The following NOVA2 variants were observed in gnomAD, a reference collection of about 807,000 sequenced individuals.
The protein encoded by NOVA2 is NOVA alternative splicing regulator 2.
In NOVA2, 9 loss-of-function variants were observed where a neutral mutation model predicts 22.5. That is an observed-to-expected ratio of 0.40 (90% CI 0.24 to 0.70). The LOEUF is 0.70. Among genes scored for constraint, NOVA2 ranks in the 30% least tolerant of loss-of-function variants. The pLI, the probability that NOVA2 is intolerant of heterozygous loss-of-function variation, is 0.38. For synonymous variants in NOVA2, 318 were observed against 335.2 expected, an observed-to-expected ratio of 0.95 and a Z score of 0.56; for missense variants, 383 against 682.8, an observed-to-expected ratio of 0.56 and a Z score of 4.89.
intron 3 of NOVA2, among the ~76,000 whole-genome samples, chr19:45,952,858 A>G (rs1287629967): frequency 9.2e-5 from 14 of 152,184 alleles, no homozygotes; most frequent in African/African-American, 3.4e-4. Flanking sequence ...AGGGGAACTC[A>G]GGCCTGTGCT....
chr19:45,972,674 C>A (rs1234771252), intron 1 of NOVA2, among the ~76,000 whole-genome samples: 2 of 152,088 alleles, frequency 1.3e-5, no homozygotes, highest in Non-Finnish European at 2.9e-5. Context: ...CACACATACA[C>A]ACACACGCAC....
intron 1 of NOVA2, among the ~76,000 whole-genome samples, chr19:45,969,509 GAAAAAAAA>G (rs397946088): frequency 6.4e-4 from 26 of 40,554 alleles, no homozygotes; most frequent in African/African-American, 9.8e-4. Flanking sequence ...CCCTGTCTCA[GAAAAAAAA>G]AAAAAAAAAA....
At chr19:45,958,573 G>T (rs1170465053) in intron 2 of NOVA2, among the ~76,000 whole-genome samples, 4 of 151,536 alleles carry the variant, frequency 2.6e-5, no homozygotes, top group Non-Finnish European at 5.9e-5. Context: ...GTGTGAGGGT[G>T]TGAGTGTGAA....
intron 3 of NOVA2, among the ~76,000 whole-genome samples, chr19:45,950,497 A>G (rs537398980): frequency 6.6e-6 from 1 of 152,312 alleles, no homozygotes; most frequent in East Asian, 1.9e-4. Flanking sequence ...AGTGATGCCC[A>G]GTGCCTGGCA....
intron 1 of NOVA2, among the ~76,000 whole-genome samples, chr19:45,961,850 T>C (rs1007141002): frequency 6.6e-6 from 1 of 152,120 alleles, no homozygotes; most frequent in Non-Finnish European, 1.5e-5. Context: ...CACATGGCTA[T>C]GTGAAGGACG....
intron 3 of NOVA2, among the ~76,000 whole-genome samples, chr19:45,952,841 T>C (rs960003043): frequency 1.3e-5 from 2 of 152,272 alleles, no homozygotes; most frequent in African/African-American, 4.8e-5. Flanking sequence ...CATTTCCCCA[T>C]GAGCTTAGGG....
rs542426533 is a variant in NOVA2, at chr19:45,935,980, G to A, written c.*3883C>T. 6.6e-6 allele frequency: 1 copy of A among 152,308 alleles called. No individual in the cohort carries two copies. Among genetic ancestry groups the A allele is most frequent in the Admixed American group, 6.5e-5 (1 of 15,286 alleles). The allele number at this position is 152,308 out of a possible 1,614,324, so 9.4% of individuals were successfully genotyped here. A position where few individuals can be genotyped will look rare whatever the true frequency, so the allele number is the denominator to read the frequency against. ...ACTACAAGTCCAGGGTAGGCGTTAG[G>A]GCAGATAGAAACGGCAAAATCATTG... On this transcript the variant is annotated 3_prime_UTR_variant, in exon 4 of 4. Coordinates refer to ENST00000263257, the MANE Select transcript of NOVA2 (RefSeq NM_002516.4).
chr19:45,942,261 G>A (rs1967771764), intron 3 of NOVA2, among the ~76,000 whole-genome samples: 2 of 152,134 alleles, frequency 1.3e-5, no homozygotes, highest in South Asian at 4.1e-4. Flanking sequence ...AGATAATTAA[G>A]GTAAAATGGG....
intron 3 of NOVA2, among the ~76,000 whole-genome samples, chr19:45,947,850 C>T (rs1034138180): frequency 8.5e-5 from 13 of 152,088 alleles, no homozygotes; most frequent in Non-Finnish European, 1.5e-4. Context: ...AATGTACTAG[C>T]CAGGCTACCC....
At chr19:45,951,468 A>G (rs1183972640) in intron 3 of NOVA2, among the ~76,000 whole-genome samples, 1 of 152,124 alleles carries the variant, frequency 6.6e-6, no homozygotes, top group African/African-American at 2.4e-5. Flanking sequence ...AATACAAAAA[A>G]TTAGCCAGGC....
At chr19:45,948,609 A>G (rs986922150) in intron 3 of NOVA2, among the ~76,000 whole-genome samples, 1 of 151,846 alleles carries the variant, frequency 6.6e-6, no homozygotes. Flanking sequence ...CAAAAAAAAA[A>G]AAAAAAAGAA....
intron 1 of NOVA2, among the ~76,000 whole-genome samples, chr19:45,966,033 G>A (rs1164347781): frequency 6.6e-6 from 1 of 151,762 alleles, no homozygotes; most frequent in African/African-American, 2.4e-5. Flanking sequence ...CGTGGGGTTT[G>A]GGGGTTGGGT....
Position 45,935,477 on chromosome 19 carries a change from G to C in NOVA2, c.*4386C>G, listed in dbSNP as rs909780471. ...CTGGCTCGCCTGTGCCCCAGCTTGGGTATCGCGATCCCGTTCTCCCCATCG... is the reference window on the plus strand; with the variant it reads ...CTGGCTCGCCTGTGCCCCAGCTTGGCTATCGCGATCCCGTTCTCCCCATCG... On this transcript the variant is annotated 3_prime_UTR_variant, in exon 4 of 4. Coordinates refer to ENST00000263257, the MANE Select transcript of NOVA2 (RefSeq NM_002516.4). 3 of 152,172 alleles carry C rather than the reference G, an allele frequency of 2.0e-5. No homozygotes were observed. The highest frequency in any genetic ancestry group is 7.2e-5 in the African/African-American group (3 of 41,428). 9.4% of individuals were successfully genotyped at this position (152,172 alleles called of 1,614,324 possible). A position where few individuals can be genotyped will look rare whatever the true frequency, so the allele number is the denominator to read the frequency against.
chr19:45,972,579 A>G (rs908885636), intron 1 of NOVA2, among the ~76,000 whole-genome samples: 2 of 152,052 alleles, frequency 1.3e-5, no homozygotes, highest in African/African-American at 4.8e-5. Flanking sequence ...CATGGAGCCC[A>G]GCCCCTGTCC....
At chr19:45,971,528 C>T (rs1471445682) in intron 1 of NOVA2, among the ~76,000 whole-genome samples, 2 of 152,116 alleles carry the variant, frequency 1.3e-5, no homozygotes, top group African/African-American at 2.4e-5. Flanking sequence ...TGCTGGACAC[C>T]CTCACAGGCA....
chr19:45,955,476 G>A (rs971299072), intron 2 of NOVA2, among the ~76,000 whole-genome samples: 5 of 152,136 alleles, frequency 3.3e-5, no homozygotes, highest in African/African-American at 9.7e-5. Flanking sequence ...GAGAATGTGC[G>A]TGCCTGGGTG....
chr19:45,959,799 GGAGAGAGAGAGAGACAGAGAGGGA>G (rs1409417598), intron 2 of NOVA2, among the ~76,000 whole-genome samples: 12 of 146,094 alleles, frequency 8.2e-5, no homozygotes, highest in African/African-American at 3.0e-4. Context: ...GACGGGGTGG[GGAGAGAGAGAGAGACAGAGAGGGA>G]GAGAGAGAGA....
chr19:45,960,327 C>T (rs2146422063), intron 2 of NOVA2, among the ~76,000 whole-genome samples: 1 of 148,070 alleles, frequency 6.8e-6, no homozygotes, highest in Non-Finnish European at 1.5e-5. Context: ...AAACGTGAGA[C>T]TATGAGAGGT....
intron 1 of NOVA2, among the ~76,000 whole-genome samples, chr19:45,965,532 C>CTGGCCTGGCCT (rs1480462081): frequency 6.6e-6 from 1 of 152,140 alleles, no homozygotes; most frequent in Non-Finnish European, 1.5e-5. Flanking sequence ...AGTTCGAGAC[C>CTGGCCTGGCCT]AGCCTGGCCA....
Sources: allele counts gnomAD v4.1 joint callset (sites outside exome capture counted in the v4.1 genomes callset), GRCh38; gene constraint gnomAD v4.1.1; transcripts MANE v1.5; gene names NCBI Gene and HGNC (gene_info 2026-07-23, HGNC 2026-07-21).